CD44: variants seen among roughly 807,000 people sequenced by gnomAD.
CD44 encodes CD44 antigen.
In CD44, 49 loss-of-function variants were observed where a neutral mutation model predicts 88.8. The observed-to-expected ratio is 0.55, with a 90% CI of 0.44 to 0.70. CD44 has a LOEUF of 0.70. Among genes scored for constraint, CD44 ranks in the 30% least tolerant of loss-of-function variants. The pLI, the probability that CD44 is intolerant of heterozygous loss-of-function variation, is 0.00. For missense variants in CD44, 883 were observed against 913.8 expected (o/e 0.97, Z 0.43); for synonymous variants, 325 against 312.3 (o/e 1.04, Z -0.43).
intron 17 of CD44, among the ~76,000 whole-genome samples, chr11:35,224,743 G>GCAAA (rs370943848): frequency 9.2e-5 from 14 of 151,986 alleles, no homozygotes; most frequent in African/African-American, 3.1e-4. Context: ...AAACAAACAA[G>GCAAA]CAAACAAACA....
At chr11:35,180,164 A>T in intron 2 of CD44, 110 bp from the exon 3 acceptor site, 2 of 1,075,352 alleles carry the variant, frequency 1.9e-6, no homozygotes, top group Non-Finnish European at 2.8e-6. Flanking sequence ...CGATATCCCT[A>T]GGGGTGAACT....
At chr11:35,187,891 A>T (rs1156524275) in intron 4 of CD44, among the ~76,000 whole-genome samples, 1 of 152,188 alleles carries the variant, frequency 6.6e-6, no homozygotes, top group Non-Finnish European at 1.5e-5. Context: ...AAAAATAGAC[A>T]TGGGGGTCTC....
chr11:35,210,113 T>C (rs758803175), intron 13 of CD44, 59 bp downstream of exon 13: 1 of 978,352 alleles, frequency 1.0e-6, no homozygotes, highest in Non-Finnish European at 1.5e-6. Flanking sequence ...CAATTATGGG[T>C]ACTTTTGCAG....
At chr11:35,159,143 G>A (rs913330765) in intron 1 of CD44, among the ~76,000 whole-genome samples, 1 of 152,212 alleles carries the variant, frequency 6.6e-6, no homozygotes, top group Non-Finnish European at 1.5e-5. Flanking sequence ...TTCCTCCCTA[G>A]AAGCGCAAGC....
At chr11:35,169,355 A>G (rs1394422619) in intron 1 of CD44, among the ~76,000 whole-genome samples, 1 of 152,010 alleles carries the variant, frequency 6.6e-6, no homozygotes, top group Non-Finnish European at 1.5e-5. Flanking sequence ...GTAATTCTTT[A>G]CCTGGTTGTG....
intron 7 of CD44, among the ~76,000 whole-genome samples, chr11:35,199,943 T>TG (rs1392629243): frequency 1.4e-5 from 2 of 147,502 alleles, no homozygotes; most frequent in Non-Finnish European, 3.0e-5. Flanking sequence ...TGTTTTTTTT[T>TG]TTTTTTTTTT....
chr11:35,219,239 C>T, intron 15 of CD44, 77 bp from the exon 16 acceptor site: 1 of 1,031,106 alleles, frequency 9.7e-7, no homozygotes, highest in Non-Finnish European at 1.5e-6. Flanking sequence ...TGGAGAGCTG[C>T]CCTTTATGCA....
chr11:35,160,334 C>T (rs1942438132), intron 1 of CD44, among the ~76,000 whole-genome samples: 1 of 152,248 alleles, frequency 6.6e-6, no homozygotes, highest in African/African-American at 2.4e-5. Context: ...GTTCTCATAT[C>T]TGCGTGCTGA....
At chr11:35,203,691 T>A (rs1947531485) in intron 9 of CD44, among the ~76,000 whole-genome samples, 1 of 151,896 alleles carries the variant, frequency 6.6e-6, no homozygotes, top group African/African-American at 2.4e-5. Flanking sequence ...TTATAGACTC[T>A]CATTTTCTTG....
At chr11:35,222,393 T>C (rs1380600090) in intron 17 of CD44, 15 of 1,298,416 alleles carry the variant, frequency 1.2e-5, no homozygotes, top group Non-Finnish European at 1.4e-5. Context: ...ATTCAGGTTA[T>C]AGCATAAGAA....
rs1274859328 is a variant in CD44 at position 35,229,535 on chromosome 11, T to C, written c.*202T>C. ...GTAAAAACAGCATTGCTTTCTGAAA[T>C]TAGGGCCCAATTAATAATCAGCAAG... On this transcript the variant is annotated 3_prime_UTR_variant, in exon 18 of 18. Coordinates refer to ENST00000428726, the MANE Select transcript of CD44 (RefSeq NM_000610.4). 9.0e-6 allele frequency: 5 copies of C among 552,668 alleles called. No individual in the cohort carries two copies. The highest frequency in any genetic ancestry group is 1.9e-5 in the African/African-American group (1 of 53,062). The allele number at this position is 552,668 out of a possible 1,614,324, so 34.2% of individuals were successfully genotyped here.
At chr11:35,228,540 GA>G (rs1949872275) in intron 17 of CD44, among the ~76,000 whole-genome samples, 1 of 152,186 alleles carries the variant, frequency 6.6e-6, no homozygotes, top group East Asian at 1.9e-4. Context: ...ATGCTTAAAA[GA>G]GGCAAACATT....
intron 15 of CD44, among the ~76,000 whole-genome samples, chr11:35,217,431 G>A (rs1307690750): frequency 1.3e-5 from 2 of 152,002 alleles, no homozygotes; most frequent in Non-Finnish European, 2.9e-5. Flanking sequence ...TTCAGTTTAG[G>A]TGGCCAGTGT....
intron 1 of CD44, among the ~76,000 whole-genome samples, chr11:35,169,422 AC>A: frequency 1.6e-5 from 2 of 126,836 alleles, no homozygotes; most frequent in Non-Finnish European, 3.6e-5. Flanking sequence ...AAACACACAC[AC>A]ACACACACAC....
intron 17 of CD44, among the ~76,000 whole-genome samples, chr11:35,226,961 T>C (rs1272249790): frequency 2.1e-5 from 3 of 143,818 alleles, no homozygotes; most frequent in Non-Finnish European, 4.5e-5. Flanking sequence ...CTCAGCTTAC[T>C]GCAACCTCCA....
At chr11:35,187,469 G>GCT (rs1242209665) in intron 4 of CD44, among the ~76,000 whole-genome samples, 1 of 151,932 alleles carries the variant, frequency 6.6e-6, no homozygotes. Context: ...TATGTACAAT[G>GCT]CTCTCATTTA....
chr11:35,142,129 G>A (rs1858101268), intron 1 of CD44, among the ~76,000 whole-genome samples: 1 of 152,058 alleles, frequency 6.6e-6, no homozygotes, highest in Admixed American at 6.6e-5. Flanking sequence ...AGGCCAGGGG[G>A]GATGAGTCCT....
intron 3 of CD44, among the ~76,000 whole-genome samples, chr11:35,186,525 T>C (rs1287580811): frequency 1.3e-5 from 2 of 152,216 alleles, no homozygotes; most frequent in Non-Finnish European, 2.9e-5. Flanking sequence ...GTGTCTATCT[T>C]ATTTAAAATT....
At chr11:35,183,829 T>A (rs1031512383) in intron 3 of CD44, among the ~76,000 whole-genome samples, 5 of 152,164 alleles carry the variant, frequency 3.3e-5, no homozygotes, top group African/African-American at 1.2e-4. Flanking sequence ...CTTTTGAGGG[T>A]AGAATTAAAG....
Sources: allele counts gnomAD v4.1 joint callset (sites outside exome capture counted in the v4.1 genomes callset), GRCh38; gene constraint gnomAD v4.1.1; transcripts MANE v1.5; gene names NCBI Gene and HGNC (gene_info 2026-07-23, HGNC 2026-07-21).